ANKRD34B: variants seen among roughly 807,000 people sequenced by gnomAD.
ANKRD34B encodes the protein ankyrin repeat domain-containing protein 34B.
In ANKRD34B, 2 loss-of-function variants were observed where a neutral mutation model predicts 4.4. The observed-to-expected ratio is 0.46, with a 90% CI of 0.19 to 1.44. The LOEUF is 1.44. Ranked by LOEUF, ANKRD34B falls within the 40% of genes most tolerant of loss-of-function variation. ANKRD34B has a pLI of 0.26. For synonymous variants in ANKRD34B, 226 were observed against 227.1 expected (o/e 0.99, Z 0.05); for missense variants, 558 against 604.7 (o/e 0.92, Z 0.81).
chr5:80,561,148 T>C (rs1163121778), intron 4 of ANKRD34B, among the ~76,000 whole-genome samples: 1 of 152,164 alleles, frequency 6.6e-6, no homozygotes, highest in East Asian at 1.9e-4. Context: ...CTAAAAAATA[T>C]TTATGTTTAA....
chr5:80,559,902 T>G lies in ANKRD34B; in HGVS notation c.118A>C (p.Asn40His), dbSNP rs746160231. The change falls in exon 5 of 5, where the codon AAC (asparagine) becomes CAC (histidine). Residue 40 changes from asparagine to histidine, a missense_variant. Asn to His is a moderately conservative substitution (Grantham distance 68, BLOSUM62 1). Coordinates refer to ENST00000338682, the MANE Select transcript of ANKRD34B (RefSeq NM_001004441.3). ...LEGGAYINES[N>H]DRGETPLMIA... ...ATTAAAGGGGTTTCCCCACGGTCGT[T>G]GCTCTCATTAATGTAGGCACCGCCT... 6.2e-7 allele frequency: 1 copy of G among 1,614,096 alleles called. No individual in the cohort carries two copies. The highest frequency in any genetic ancestry group is 8.5e-7 in the Non-Finnish European group (1 of 1,180,000).
intron 3 of ANKRD34B, among the ~76,000 whole-genome samples, chr5:80,566,132 T>C (rs1746558906): frequency 6.6e-6 from 1 of 152,098 alleles, no homozygotes; most frequent in South Asian, 2.1e-4. Flanking sequence ...GAGATACCAT[T>C]AGATGAGCAA....
intron 2 of ANKRD34B, among the ~76,000 whole-genome samples, chr5:80,567,245 G>GCCT (rs1746593206): frequency 6.6e-6 from 1 of 152,128 alleles, no homozygotes; most frequent in Non-Finnish European, 1.5e-5. Context: ...TGAGGTGCTT[G>GCCT]CAAAGCCATC....
At chr5:80,561,433 A>C (rs1746402947) in intron 4 of ANKRD34B, among the ~76,000 whole-genome samples, 1 of 152,230 alleles carries the variant, frequency 6.6e-6, no homozygotes, top group African/African-American at 2.4e-5. Flanking sequence ...ATAGATAACA[A>C]ATCTAATAAC....
chr5:80,560,447 G>A (rs980326310), intron 4 of ANKRD34B, among the ~76,000 whole-genome samples: 4 of 152,114 alleles, frequency 2.6e-5, no homozygotes, highest in African/African-American at 7.2e-5. Context: ...CTTGAGGCCA[G>A]GAATTTGAGA....
In ANKRD34B at chr5:80,558,712, A is replaced by G; in HGVS notation, c.1308T>C (p.Pro436=). Residue 436 remains proline, a synonymous_variant, in exon 5 of 5, where the codon CCT becomes CCC. Coordinates refer to ENST00000338682, the MANE Select transcript of ANKRD34B (RefSeq NM_001004441.3). ...TGGTTTGGGTAACACTGTGATCTAA[A>G]GGGAAAGCTCCTGAACCTCGCCTTT... ...VLERRGSGAF[P]LDHSVTQTRQ... is the part of the protein sequence containing the mutation. The G allele has an allele frequency of 6.2e-7, 1 of 1,614,190 alleles. No individual in the cohort carries two copies. Among genetic ancestry groups the G allele is most frequent in the Non-Finnish European group, 8.5e-7 (1 of 1,180,034 alleles).
Position 80,558,629 on chromosome 5 carries a change from T to G in ANKRD34B, c.1391A>C (p.Asn464Thr). 1 of 1,614,154 alleles carries G rather than the reference T, an allele frequency of 6.2e-7. No homozygotes were observed. Residue 464 changes from asparagine to threonine, a missense_variant, in exon 5 of 5, where the codon AAT becomes ACT. Physicochemically the swap from Asn to Thr is moderately conservative, Grantham distance 65. Coordinates refer to ENST00000338682, the MANE Select transcript of ANKRD34B (RefSeq NM_001004441.3). ...AAGGCTGCAAATCTTGTTGTTGACA[T>G]TGATATCTGAGATGGGAGGGTGAGA... ...VNSHPPISDINVNNKICSLLS... is the reference protein window; with the variant it reads ...VNSHPPISDITVNNKICSLLS...
chr5:80,567,721 A>G (rs1442143277), intron 2 of ANKRD34B, among the ~76,000 whole-genome samples: 1 of 151,870 alleles, frequency 6.6e-6, no homozygotes, highest in Non-Finnish European at 1.5e-5. Flanking sequence ...CCTCTCATAA[A>G]GTTCATCATC....
Position 80,558,496 on chromosome 5 carries a change from A to G in ANKRD34B, c.1524T>C (p.Ile508=). 1 of 1,610,774 alleles carries G rather than the reference A, an allele frequency of 6.2e-7. No individual in the cohort carries two copies. The highest frequency in any genetic ancestry group is 8.5e-7 in the Non-Finnish European group (1 of 1,177,564). The change falls in exon 5 of 5, where the codon ATT becomes ATC. Residue 508 remains isoleucine, a synonymous_variant. Coordinates refer to ENST00000338682, the MANE Select transcript of ANKRD34B (RefSeq NM_001004441.3). The part of the protein sequence containing the change: ...LRRQSLQTEQ[I]KQLVNF ...TCTCCTAGAAGTTTACTAATTGCTT[A>G]ATTTGTTCAGTTTGCAATGATTGTC... is the stretch of plus-strand genomic sequence containing the variant.
Position 80,559,606 on chromosome 5 carries a change from A to G in ANKRD34B, c.414T>C (p.Leu138=). 6.2e-7 allele frequency: 1 copy of G among 1,614,194 alleles called. No individual in the cohort carries two copies. The change falls in exon 5 of 5, where the codon CTT becomes CTC. Residue 138 remains leucine (L), a synonymous_variant. Transcript: ENST00000338682. ...SEDTETLKVL[L]SACKAKGKEV... ...CTTTCCCTTTTGCCTTGCAAGCACT[A>G]AGAAGAACTTTCAGGGTCTCTGTAT... is the stretch of plus-strand genomic sequence containing the variant.
chr5:80,560,739 G>A (rs1426990957), intron 4 of ANKRD34B, among the ~76,000 whole-genome samples: 3 of 152,166 alleles, frequency 2.0e-5, no homozygotes, highest in Non-Finnish European at 4.4e-5. Flanking sequence ...CATTGCAACT[G>A]AATCAATTAA....
In ANKRD34B at chr5:80,559,582, T is replaced by A; in HGVS notation, c.438A>T (p.Lys146Asn). 1 of 1,614,196 alleles carries A rather than the reference T, an allele frequency of 6.2e-7. No homozygotes were observed. Among genetic ancestry groups the A allele is most frequent in the Non-Finnish European group, 8.5e-7 (1 of 1,180,046 alleles). ...TTGCTGTTGTGATGATGATGACCTC[T>A]TTCCCTTTTGCCTTGCAAGCACTAA... is the stretch of plus-strand genomic sequence containing the variant. ...VLLSACKAKGKEVIIITTAKL... is the reference protein window; with the variant it reads ...VLLSACKAKGNEVIIITTAKL... The change falls in exon 5 of 5, where the codon AAA becomes AAT. Residue 146 changes from lysine (K) to asparagine (N), a missense_variant. Physicochemically the swap from Lys to Asn is moderately conservative, Grantham distance 94. Coordinates refer to ENST00000338682, the MANE Select transcript of ANKRD34B (RefSeq NM_001004441.3).
intron 2 of ANKRD34B, among the ~76,000 whole-genome samples, chr5:80,568,264 A>C (rs1746634631): frequency 2.0e-5 from 3 of 152,202 alleles, no homozygotes; most frequent in Non-Finnish European, 4.4e-5. Context: ...CAAACTCTTC[A>C]TTCCTCATTC....
At chr5:80,561,790 A>T (rs1746412040) in intron 4 of ANKRD34B, among the ~76,000 whole-genome samples, 1 of 152,182 alleles carries the variant, frequency 6.6e-6, no homozygotes, top group Non-Finnish European at 1.5e-5. Flanking sequence ...TTTTGCAAAG[A>T]CCTAGAGGCC....
rs376632230 is a variant in ANKRD34B at position 80,559,287 on chromosome 5, C to T, written c.733G>A (p.Ala245Thr). The change falls in exon 5 of 5, where the codon GCT (alanine) becomes ACT (threonine). Residue 245 changes from alanine to threonine, a missense_variant. Coordinates refer to ENST00000338682, the MANE Select transcript of ANKRD34B (RefSeq NM_001004441.3). ...GGGGGACTCTTGACCCAGGGTGGAG[C>T]GTGGGGGAGCTTGGGCCCCTTAGGG... is the stretch of plus-strand genomic sequence containing the variant. The part of the protein sequence containing the change: ...LAPKGPKLPH[A>T]PPWVKSPPLL... 13 of 1,613,998 alleles carry T rather than the reference C, an allele frequency of 8.1e-6. No homozygotes were observed. Among genetic ancestry groups the T allele is most frequent in the African/African-American group, 2.7e-5 (2 of 74,900 alleles).
chr5:80,567,045 G>A (rs2112719951), intron 2 of ANKRD34B, among the ~76,000 whole-genome samples: 1 of 152,310 alleles, frequency 6.6e-6, no homozygotes, highest in African/African-American at 2.4e-5. Context: ...CAGATCAGGA[G>A]GCTGAGAAAG....
intron 4 of ANKRD34B, among the ~76,000 whole-genome samples, chr5:80,560,760 G>A (rs1014441650): frequency 6.6e-6 from 1 of 152,164 alleles, no homozygotes. Context: ...AATATTGGTA[G>A]CTTAATGTAA....
chr5:80,558,773 G>T lies in ANKRD34B; in HGVS notation c.1247C>A (p.Pro416Gln). The change falls in exon 5 of 5, where the codon CCA becomes CAA. Residue 416 changes from proline to glutamine, a missense_variant. Transcript: ENST00000338682. ...ATGATTTCTCCTGCTCAGGGGACCT[G>T]GGGGGATATTCTCCAACAATTCTTT... Reference protein sequence around the residue: ...ESKELLENIPPGPLSRRNHAV... With the variant: ...ESKELLENIPQGPLSRRNHAV... 6.2e-7 allele frequency: 1 copy of T among 1,613,962 alleles called. No individual in the cohort carries two copies. The highest frequency in any genetic ancestry group is 1.1e-5 in the South Asian group (1 of 91,070).
intron 3 of ANKRD34B, among the ~76,000 whole-genome samples, chr5:80,564,973 G>A (rs1487923658): frequency 6.6e-6 from 1 of 152,222 alleles, no homozygotes; most frequent in Non-Finnish European, 1.5e-5. Context: ...CCAAAGTGCT[G>A]GGATTACAGG....
Sources: allele counts gnomAD v4.1 joint callset (sites outside exome capture counted in the v4.1 genomes callset), GRCh38; gene constraint gnomAD v4.1.1; transcripts MANE v1.5; gene names NCBI Gene and HGNC (gene_info 2026-07-23, HGNC 2026-07-21).